The following TANK variants were observed in gnomAD, a reference collection of about 807,000 sequenced individuals.
TANK encodes TRAF family member associated NFKB activator, also known as TRAF family member-associated NF-kappa-B activator.
A neutral mutation model predicts 43.6 loss-of-function variants in TANK; 15 were observed. That is an observed-to-expected ratio of 0.34 (90% CI 0.23 to 0.53). The LOEUF (loss-of-function observed/expected upper bound fraction) is 0.53, where lower values mean the gene tolerates loss of function less well. TANK is among the 20% of genes least tolerant of loss of function. The pLI is 0.94. For synonymous variants in TANK, 162 were observed against 178.2 expected, an observed-to-expected ratio of 0.91 and a Z score of 0.73; for missense variants, 417 against 498.6, an observed-to-expected ratio of 0.84 and a Z score of 1.56.
chr2:161,204,519 A>G (rs945980865), intron 3 of TANK, among the ~76,000 whole-genome samples, 156 bp from the exon 4 acceptor site: 2 of 152,112 alleles, frequency 1.3e-5, no homozygotes, highest in African/African-American at 4.8e-5. Context: ...TAAATGGACA[A>G]CTTGTCAAAG....
intron 2 of TANK, among the ~76,000 whole-genome samples, chr2:161,180,835 C>T (rs1293959173): frequency 6.6e-6 from 1 of 151,578 alleles, no homozygotes; most frequent in African/African-American, 2.4e-5. Context: ...TACACCTTTC[C>T]TTCAACTTTA....
intron 2 of TANK, among the ~76,000 whole-genome samples, chr2:161,181,318 G>A (rs183149694): frequency 2.4e-4 from 37 of 152,286 alleles, no homozygotes; most frequent in Non-Finnish European, 3.1e-4. Flanking sequence ...TACTTGGGAA[G>A]CTAAGGCAAG....
intron 4 of TANK, among the ~76,000 whole-genome samples, chr2:161,221,243 T>G (rs1440538813): frequency 6.6e-6 from 1 of 152,198 alleles, no homozygotes; most frequent in African/African-American, 2.4e-5. Flanking sequence ...GTTAAGTATT[T>G]TAAGTTTTAG....
chr2:161,137,649 G>A (rs562408788), intron 1 of TANK, among the ~76,000 whole-genome samples: 44 of 151,982 alleles, frequency 2.9e-4, no homozygotes, highest in East Asian at 1.2e-3. Flanking sequence ...TTTAAAAATC[G>A]ATCCTGGCCT....
At chr2:161,169,404 G>T (rs138578913) in intron 1 of TANK, among the ~76,000 whole-genome samples, 1 of 152,322 alleles carries the variant, frequency 6.6e-6, no homozygotes, top group Admixed American at 6.5e-5. Flanking sequence ...ATAGTAATAA[G>T]AAAGTAAAAG....
chr2:161,164,355 A>G (rs10183868), intron 1 of TANK, among the ~76,000 whole-genome samples: 5,073 of 152,108 alleles, frequency 0.033, 250 homozygotes, highest in African/African-American at 0.11. Context: ...TTTAGTTTCT[A>G]TTTCCTGTAG....
At chr2:161,154,601 G>T (rs1218270937) in intron 1 of TANK, among the ~76,000 whole-genome samples, 1 of 152,168 alleles carries the variant, frequency 6.6e-6, no homozygotes, top group Non-Finnish European at 1.5e-5. Context: ...GTGTAAGCAT[G>T]CAAGAAATAC....
chr2:161,212,597 C>T, intron 4 of TANK: 1 of 985,362 alleles, frequency 1.0e-6, no homozygotes, highest in African/African-American at 1.7e-5. Context: ...ATGTCACCTT[C>T]TAAATTGTCT....
rs1684363032 is a variant in TANK, at chr2:161,160,460, G to A, written c.-76G>A. 8.1e-6 allele frequency: 10 copies of A among 1,238,392 alleles called. No individual in the cohort carries two copies. Among genetic ancestry groups the A allele is most frequent in the Non-Finnish European group, 1.0e-5 (10 of 990,932 alleles). 76.7% of individuals were successfully genotyped at this position (1,238,392 alleles called of 1,614,324 possible). A position where few individuals can be genotyped will look rare whatever the true frequency, so the allele number is the denominator to read the frequency against. On this transcript the variant is annotated 5_prime_UTR_variant, in exon 1 of 8. Transcript: ENST00000392749. ...CAGGCGCCGGCGACCTGAGGGGAGA[G>A]GGAACGCAGCTGAAAGCGTGAACTG...
intron 1 of TANK, among the ~76,000 whole-genome samples, chr2:161,165,031 C>T (rs1218831920): frequency 7.3e-6 from 1 of 136,554 alleles, no homozygotes; most frequent in Non-Finnish European, 1.5e-5. Context: ...TTTTACTTAA[C>T]ACCAATACTT....
chr2:161,224,602 C>T, intron 5 of TANK, 29 bp from the exon 6 acceptor site: 1 of 1,147,106 alleles, frequency 8.7e-7, no homozygotes, highest in Non-Finnish European at 1.2e-6. Context: ...TATAGCTTTA[C>T]ATTTTAAAAT....
chr2:161,141,906 A>G (rs1181170963), intron 1 of TANK, among the ~76,000 whole-genome samples: 2 of 152,204 alleles, frequency 1.3e-5, no homozygotes, highest in Non-Finnish European at 2.9e-5. Context: ...GAATTGCCAC[A>G]CTGTCTTCCA....
At chr2:161,199,799 TTTGGGAGGCCAAG>T (rs1169539303) in intron 2 of TANK, among the ~76,000 whole-genome samples, 23 of 152,182 alleles carry the variant, frequency 1.5e-4, no homozygotes, top group Admixed American at 3.9e-4. Flanking sequence ...ATCCCAGCAC[TTTGGGAGGCCAAG>T]GTGGGAGGAT....
At chr2:161,233,051 T>G (rs1236962949) in intron 7 of TANK, among the ~76,000 whole-genome samples, 2 of 152,204 alleles carry the variant, frequency 1.3e-5, no homozygotes, top group Non-Finnish European at 2.9e-5. Flanking sequence ...GCTAGTATTA[T>G]GCAAGCTAGT....
rs1259492023 is a variant in TANK, at chr2:161,235,834, T to C, written c.*316T>C. 5.9e-6 allele frequency: 1 copy of C among 169,112 alleles called. No individual in the cohort carries two copies. The highest frequency in any genetic ancestry group is 1.3e-5 in the Non-Finnish European group (1 of 79,688). The allele number at this position is 169,112 out of a possible 1,614,324, so 10.5% of individuals were successfully genotyped here. Reference sequence around the variant, plus strand: ...GTGACTTAGAGTTATATAATCATAATTTATGTTTATTTCAAATATCTAAGT... The same window carrying C: ...GTGACTTAGAGTTATATAATCATAACTTATGTTTATTTCAAATATCTAAGT... On this transcript the variant is annotated 3_prime_UTR_variant, in exon 8 of 8. Coordinates refer to ENST00000392749, the MANE Select transcript of TANK (RefSeq NM_001199135.3).
chr2:161,143,883 G>A (rs1683824919), intron 1 of TANK, among the ~76,000 whole-genome samples: 1 of 152,158 alleles, frequency 6.6e-6, no homozygotes. Flanking sequence ...GTTTCAGAAG[G>A]AATGGTACAA....
chr2:161,223,625 A>G (rs749531720), intron 4 of TANK: 7 of 212,856 alleles, frequency 3.3e-5, no homozygotes, highest in Non-Finnish European at 5.6e-5. Flanking sequence ...ATTTTGATCA[A>G]TAGTTGAATT....
intron 1 of TANK, among the ~76,000 whole-genome samples, chr2:161,162,359 T>C (rs994119599): frequency 5.3e-5 from 8 of 152,144 alleles, no homozygotes; most frequent in African/African-American, 1.9e-4. Flanking sequence ...AATACTCTTT[T>C]TGGGATTTAA....
At chr2:161,178,741 G>A (rs1685285826) in intron 1 of TANK, among the ~76,000 whole-genome samples, 1 of 152,128 alleles carries the variant, frequency 6.6e-6, no homozygotes, top group Non-Finnish European at 1.5e-5. Context: ...ACAGATTAGA[G>A]ACTGAAATTT....
Sources: gnomAD v4.1 joint callset for allele counts (sites outside exome capture counted in the v4.1 genomes callset) on GRCh38, gnomAD v4.1.1 for gene constraint, MANE v1.5 for transcripts, NCBI Gene and HGNC (gene_info 2026-07-23, HGNC 2026-07-21) for gene names.